The following PCNT variants were observed in gnomAD, a reference collection of about 807,000 sequenced individuals.
PCNT encodes kendrin.
In PCNT, 319 loss-of-function variants were observed where a neutral mutation model predicts 380.4. The ratio of observed to expected loss-of-function variants is 0.84; its 90% CI spans 0.77 to 0.92. The LOEUF is 0.92. Ranked by LOEUF, PCNT falls within the 40% of genes least tolerant of loss-of-function variation. PCNT has a pLI of 0.00. For missense variants in PCNT, 4,400 were observed against 4,255.3 expected, an observed-to-expected ratio of 1.03 and a Z score of -0.95; for synonymous variants, 1,845 against 1,735.2, an observed-to-expected ratio of 1.06 and a Z score of -1.57.
chr21:46,440,783 T>A (rs2053588327), intron 42 of PCNT, 72 bp from the exon 43 acceptor site: 1 of 899,986 alleles, frequency 1.1e-6, no homozygotes, highest in Non-Finnish European at 1.9e-6. Flanking sequence ...AGAGCAATGG[T>A]GTTAATGTGC....
chr21:46,334,514 C>G lies in PCNT; in HGVS notation c.385C>G (p.Gln129Glu). The part of the protein sequence containing the change: ...MFTVSDHPPE[Q>E]HGMFTVGDHP... ...CACAGTCAGTGACCACCCACCAGAACAGCATGGGATGTTCACAGTCGGTGA... is the reference window on the plus strand; with the variant it reads ...CACAGTCAGTGACCACCCACCAGAAGAGCATGGGATGTTCACAGTCGGTGA... The change falls in exon 3 of 47, where the codon CAG (glutamine) becomes GAG (glutamate). Residue 129 changes from glutamine to glutamate, a missense_variant. Gln to Glu is a conservative substitution (Grantham distance 29). Transcript: ENST00000359568. 1 of 1,610,102 alleles carries G rather than the reference C, an allele frequency of 6.2e-7. No homozygotes were observed. The highest frequency in any genetic ancestry group is 8.5e-7 in the Non-Finnish European group (1 of 1,177,352).
At chr21:46,397,189 T>C in intron 21 of PCNT, 76 bp from the exon 22 acceptor site, 1 of 1,131,452 alleles carries the variant, frequency 8.8e-7, no homozygotes, top group East Asian at 2.4e-5. Context: ...TGAATCACCA[T>C]CAGGAGATGC....
At position 46,334,673 on chromosome 21, in the gene PCNT, C is replaced by T. The variant is rs371098206; in HGVS notation, c.544C>T (p.Arg182Cys). The change falls in exon 3 of 47, where the codon CGT becomes TGT. Residue 182 changes from arginine to cysteine, a missense_variant. Coordinates refer to ENST00000359568, the MANE Select transcript of PCNT (RefSeq NM_006031.6). The stretch of plus-strand genomic sequence containing the variant: ...AATCAGTGACCACCAACCGGAACAG[C>T]GTGGGATGTTCACAGTCAGTGACCA... The part of the protein sequence containing the change: ...FTISDHQPEQ[R>C]GMFTVSDHTP... 8.1e-6 allele frequency: 13 copies of T among 1,607,822 alleles called. No individual in the cohort carries two copies. In the East Asian group the frequency reaches 1.6e-4, roughly 19 times the overall value.
In PCNT at chr21:46,437,094, C is replaced by T. The variant is rs376185703; in HGVS notation, c.9099+13C>T. 370 of 1,592,404 alleles carry T rather than the reference C, an allele frequency of 2.3e-4. No individual in the cohort carries two copies. The highest frequency in any genetic ancestry group is 1.1e-3 in the African/African-American group (79 of 74,586). ...CACCTCCTCCCAGGTAAGGGGTGAG[C>T]GCCCCCAGGTCCCTGGCCTGGCTCC... is the stretch of plus-strand genomic sequence containing the variant. On this transcript the variant is annotated intron_variant, in intron 40 of 46. Coordinates refer to ENST00000359568, the MANE Select transcript of PCNT (RefSeq NM_006031.6).
chr21:46,327,798 G>A (rs983576182), intron 2 of PCNT, among the ~76,000 whole-genome samples: 1 of 151,998 alleles, frequency 6.6e-6, no homozygotes, highest in African/African-American at 2.4e-5. Context: ...AGATGAAGAG[G>A]GAAGGGGTGA....
chr21:46,352,660 A>C (rs2084315915), intron 9 of PCNT, among the ~76,000 whole-genome samples: 2 of 152,178 alleles, frequency 1.3e-5, no homozygotes, highest in Admixed American at 6.5e-5. Context: ...GGCCTAAAAC[A>C]ACACAGTTGT....
chr21:46,385,156 A>G (rs2085786682), intron 16 of PCNT, among the ~76,000 whole-genome samples: 1 of 152,178 alleles, frequency 6.6e-6, no homozygotes, highest in Non-Finnish European at 1.5e-5. Context: ...GGAATTCGAT[A>G]CCAGCCTGGG....
rs1601201101 is a variant in PCNT, at chr21:46,436,012, C to G, written c.8860C>G (p.Leu2954Val). ...CGAGGTGCCTGGCAGCCGCCTCCACCTAGGTTCTGCCCGCAGGGCTGCCGG... is the reference window on the plus strand; with the variant it reads ...CGAGGTGCCTGGCAGCCGCCTCCACGTAGGTTCTGCCCGCAGGGCTGCCGG... Reference protein sequence around the residue: ...KDEVPGSRLHLGSARRAAGSD... With the variant: ...KDEVPGSRLHVGSARRAAGSD... Residue 2954 changes from leucine to valine, a missense_variant, in exon 39 of 47, where the codon CTA (leucine) becomes GTA (valine). By Grantham distance (32) the Leu-to-Val change is conservative (BLOSUM62 1). Transcript: ENST00000359568. 1 of 1,614,134 alleles carries G rather than the reference C, an allele frequency of 6.2e-7. No homozygotes were observed. Among genetic ancestry groups the G allele is most frequent in the East Asian group, 2.2e-5 (1 of 44,862 alleles).
intron 8 of PCNT, among the ~76,000 whole-genome samples, chr21:46,350,568 A>G (rs988907169): frequency 6.6e-6 from 1 of 152,230 alleles, no homozygotes; most frequent in Admixed American, 6.5e-5. Context: ...AAATTAAAGC[A>G]TAAATCAGAG....
At chr21:46,372,115 A>G (rs1253198203) in intron 15 of PCNT, among the ~76,000 whole-genome samples, 1 of 149,524 alleles carries the variant, frequency 6.7e-6, no homozygotes, top group Non-Finnish European at 1.5e-5. Flanking sequence ...TACACAGCAC[A>G]TGCACACATG....
In PCNT at chr21:46,398,228, T is replaced by C; in HGVS notation, c.4564-7T>C. The stretch of plus-strand genomic sequence containing the variant: ...ATTTTTGCCTTCCATGTACATGAAA[T>C]CGGCAGCAGGCGCCGCTGGATGGAG... On this transcript the variant is annotated splice_polypyrimidine_tract_variant and splice_region_variant and intron_variant, in intron 23 of 46. Coordinates refer to ENST00000359568, the MANE Select transcript of PCNT (RefSeq NM_006031.6). The C allele has an allele frequency of 6.2e-7, 1 of 1,608,402 alleles. No individual in the cohort carries two copies. The highest frequency in any genetic ancestry group is 8.5e-7 in the Non-Finnish European group (1 of 1,178,388).
At chr21:46,362,519 G>A (rs2084756497) in intron 13 of PCNT, among the ~76,000 whole-genome samples, 1 of 152,172 alleles carries the variant, frequency 6.6e-6, no homozygotes, top group Non-Finnish European at 1.5e-5. Context: ...ACCAGAAGTA[G>A]CACCCTAAAC....
At chr21:46,345,407 G>A (rs2084033463) in intron 3 of PCNT, among the ~76,000 whole-genome samples, 1 of 151,880 alleles carries the variant, frequency 6.6e-6, no homozygotes, top group Non-Finnish European at 1.5e-5. Flanking sequence ...TAGTAGAGAT[G>A]GGGTTTCACC....
intron 29 of PCNT, among the ~76,000 whole-genome samples, chr21:46,415,533 C>T (rs904892844): frequency 2.6e-5 from 4 of 151,818 alleles, no homozygotes; most frequent in Non-Finnish European, 4.4e-5. Context: ...TACAGGCACC[C>T]GCCACCATGC....
rs143064269 is a variant in PCNT at position 46,421,974 on chromosome 21, C to T, written c.7029C>T (p.Asp2343=). ...EGKADRSEKS[D]GSGFGARLSP... ...CTGACCCTGTGGTGTTTTTAGGTGA[C>T]GGCTCGGGTTTTGGAGCAAGACTGA... Residue 2343 remains aspartate, a synonymous_variant, in exon 32 of 47, where the codon GAC becomes GAT. Coordinates refer to ENST00000359568, the MANE Select transcript of PCNT (RefSeq NM_006031.6). The T allele has an allele frequency of 7.9e-5, 127 of 1,613,900 alleles. No individual in the cohort carries two copies. The highest frequency in any genetic ancestry group is 1.1e-4 in the South Asian group (10 of 91,090).
At position 46,413,431 on chromosome 21, in the gene PCNT, C is replaced by T. The variant is rs575714253; in HGVS notation, c.6150+439C>T. On this transcript the variant is annotated intron_variant, in intron 29 of 46. Transcript: ENST00000359568. ...ATGTGGGTCTTGCCCTGGGCAGAGG[C>T]GGGTATTCTGCTGAGGTGAGGAGCA... Among the ~76,000 whole-genome samples, 7 of 152,292 alleles carry T rather than the reference C, an allele frequency of 4.6e-5. No homozygotes were observed. In the East Asian group the frequency reaches 5.8e-4, roughly 13 times the overall value.
At chr21:46,414,590 C>T (rs1169654590) in intron 29 of PCNT, among the ~76,000 whole-genome samples, 4 of 148,178 alleles carry the variant, frequency 2.7e-5, no homozygotes, top group South Asian at 2.2e-4. Flanking sequence ...GACACGCAGC[C>T]GCCCACCCTG....
rs748886156 is a variant in PCNT at position 46,353,299 on chromosome 21, A to G, written c.1652A>G (p.Asp551Gly). ...LQQRLQGARE[D>G]ALLDSVEVGL... ...CAGAGGCTGCAGGGGGCGAGGGAAG[A>G]TGCTCTTCTGGACTCTGTGGAAGTT... Residue 551 changes from aspartate to glycine, a missense_variant, in exon 10 of 47, where the codon GAT becomes GGT. Physicochemically the swap from Asp to Gly is moderately conservative, Grantham distance 94 (BLOSUM62 -1). Coordinates refer to ENST00000359568, the MANE Select transcript of PCNT (RefSeq NM_006031.6). 5.0e-6 allele frequency: 8 copies of G among 1,614,134 alleles called. No homozygotes were observed. Among genetic ancestry groups the G allele is most frequent in the Non-Finnish European group, 6.8e-6 (8 of 1,180,008 alleles).
intron 25 of PCNT, 46 bp downstream of exon 25, chr21:46,399,842 G>T: frequency 6.7e-7 from 1 of 1,498,174 alleles, no homozygotes; most frequent in African/African-American, 1.4e-5. Flanking sequence ...GAGGTGTCCC[G>T]CAGGCATGGC....
Sources: gnomAD v4.1 joint callset for allele counts (sites outside exome capture counted in the v4.1 genomes callset) on GRCh38, gnomAD v4.1.1 for gene constraint, MANE v1.5 for transcripts, NCBI Gene and HGNC (gene_info 2026-07-23, HGNC 2026-07-21) for gene names.